Variants in RABGAP1L observed in about 807,000 individuals in gnomAD.
The protein encoded by RABGAP1L is RAB GTPase activating protein 1 like, also known as rab GTPase-activating protein 1-like.
In RABGAP1L, 63 loss-of-function variants were observed where a neutral mutation model predicts 137.7. The ratio of observed to expected loss-of-function variants is 0.46; its 90% CI spans 0.37 to 0.56. RABGAP1L has a LOEUF of 0.56. Ranked by LOEUF, RABGAP1L falls within the 20% of genes least tolerant of loss-of-function variation. RABGAP1L has a pLI of 0.00. For missense variants in RABGAP1L, 1,095 were observed against 1,244.0 expected, an observed-to-expected ratio of 0.88 and a Z score of 1.80; for synonymous variants, 431 against 433.7, an observed-to-expected ratio of 0.99 and a Z score of 0.08.
At chr1:174,405,991 AAAAAAAG>A (rs777132850) in intron 13 of RABGAP1L, among the ~76,000 whole-genome samples, 1 of 152,080 alleles carries the variant, frequency 6.6e-6, no homozygotes, top group Admixed American at 6.6e-5. Context: ...AAAATAAAAG[AAAAAAAG>A]AAAAAAGAAA....
intron 11 of RABGAP1L, among the ~76,000 whole-genome samples, chr1:174,359,003 A>G (rs1683904526): frequency 6.6e-6 from 1 of 152,260 alleles, no homozygotes; most frequent in Non-Finnish European, 1.5e-5. Flanking sequence ...TAACCCAGCC[A>G]GAAGAGGGTA....
chr1:174,352,173 T>A (rs1683257002), intron 11 of RABGAP1L, among the ~76,000 whole-genome samples: 1 of 152,192 alleles, frequency 6.6e-6, no homozygotes, highest in African/African-American at 2.4e-5. Context: ...TCTCTCTGCC[T>A]CCTCTTTAAG....
intron 13 of RABGAP1L, among the ~76,000 whole-genome samples, chr1:174,481,881 T>G (rs200825048): frequency 0.089 from 5,343 of 59,762 alleles, 114 homozygotes; most frequent in African/African-American, 0.13. Flanking sequence ...TAATAAAAAA[T>G]AAAAAAAAAA....
chr1:174,366,518 C>T (rs1684621827), intron 11 of RABGAP1L, among the ~76,000 whole-genome samples: 1 of 151,900 alleles, frequency 6.6e-6, no homozygotes, highest in African/African-American at 2.4e-5. Context: ...GCCTGTAATC[C>T]CAGCACTTTG....
chr1:174,409,465 T>A (rs572167174), intron 13 of RABGAP1L, among the ~76,000 whole-genome samples: 1 of 152,246 alleles, frequency 6.6e-6, no homozygotes, highest in East Asian at 1.9e-4. Flanking sequence ...AAACGTGTGT[T>A]TGAACAATAT....
chr1:174,994,259 G>GAGTT lies in RABGAP1L; in HGVS notation c.*4259_*4262dup, dbSNP rs1672238946. 1 of 144,952 alleles carries GAGTT rather than the reference G, an allele frequency of 6.9e-6. No individual in the cohort carries two copies. Among genetic ancestry groups the GAGTT allele is most frequent in the Non-Finnish European group, 1.5e-5 (1 of 68,036 alleles). 9.0% of individuals were successfully genotyped at this position (144,952 alleles called of 1,614,324 possible). On this transcript the variant is annotated 3_prime_UTR_variant, in exon 26 of 26. Coordinates refer to ENST00000681986, the MANE Select transcript of RABGAP1L (RefSeq NM_001366446.1). The stretch of plus-strand genomic sequence containing the variant: ...CACCTCAATAGGAGATGCTGATCTT[G>GAGTT]AGTTGTAATGAGAAAAGTGGGCATA...
intron 19 of RABGAP1L, among the ~76,000 whole-genome samples, chr1:174,876,461 C>T (rs1351476545): frequency 1.3e-5 from 2 of 152,014 alleles, no homozygotes; most frequent in Non-Finnish European, 2.9e-5. Context: ...TTGCTTAATC[C>T]TTTTTCCATG....
At chr1:174,546,143 A>G (rs1048773967) in intron 13 of RABGAP1L, among the ~76,000 whole-genome samples, 5 of 152,312 alleles carry the variant, frequency 3.3e-5, no homozygotes, top group African/African-American at 1.2e-4. Context: ...AGTATTAGGA[A>G]AAAAAGTCCT....
At chr1:174,194,052 C>G (rs1369978028) in intron 1 of RABGAP1L, among the ~76,000 whole-genome samples, 2 of 152,040 alleles carry the variant, frequency 1.3e-5, no homozygotes, top group African/African-American at 4.8e-5. Context: ...CATGTAGAAG[C>G]CATGATTCAA....
chr1:174,543,627 G>T (rs6663959), intron 13 of RABGAP1L, among the ~76,000 whole-genome samples: 53,671 of 151,942 alleles, frequency 0.35, 12,125 homozygotes, highest in African/African-American at 0.64. Flanking sequence ...GTGAATTTGA[G>T]CCTGTCATTA....
Position 174,550,857 on chromosome 1 carries a change from AATATATATATAT to A in RABGAP1L, c.1711-86490_1711-86479del, listed in dbSNP as rs1216100934. Among the ~76,000 whole-genome samples, 105 of 61,834 alleles carry A rather than the reference AATATATATATAT, an allele frequency of 1.7e-3. 2 individuals are homozygous for A. Among genetic ancestry groups the A allele is most frequent in the Admixed American group, 0.014 (81 of 5,608 alleles). 40.6% of individuals were successfully genotyped at this position (61,834 alleles called of 152,430 possible). On this transcript the variant is annotated intron_variant, in intron 13 of 25. Transcript: ENST00000681986. ...ACACGGTGAAACCCCGTCTCTGCTA[AATATATATATAT>A]ATATATATATATATATATATATATA...
chr1:174,852,645 C>G (rs991331068), intron 19 of RABGAP1L, among the ~76,000 whole-genome samples: 1 of 152,004 alleles, frequency 6.6e-6, no homozygotes, highest in African/African-American at 2.4e-5. Flanking sequence ...GAAACCCCAT[C>G]GCTACTAAAA....
At chr1:174,870,832 GGCTCAC>G (rs1004991409) in intron 19 of RABGAP1L, among the ~76,000 whole-genome samples, 184 of 151,086 alleles carry the variant, frequency 1.2e-3, no homozygotes, top group South Asian at 8.4e-4. Context: ...CCACCTTCCA[GGCTCAC>G]GCCATTCTCC....
At chr1:174,431,896 G>A (rs1652677627) in intron 13 of RABGAP1L, among the ~76,000 whole-genome samples, 2 of 152,148 alleles carry the variant, frequency 1.3e-5, no homozygotes, top group Non-Finnish European at 2.9e-5. Flanking sequence ...GATGCCTAAT[G>A]TAATAGAGTA....
At chr1:174,327,982 C>CATATATATATATATATATATATAT in intron 11 of RABGAP1L, among the ~76,000 whole-genome samples, 1 of 24,750 alleles carries the variant, frequency 4.0e-5, no homozygotes, top group African/African-American at 1.5e-4. Context: ...TATATATACA[C>CATATATATATATATATATATATAT]ACACATATAT....
chr1:174,407,432 T>C (rs540627543), intron 13 of RABGAP1L, among the ~76,000 whole-genome samples: 1 of 152,224 alleles, frequency 6.6e-6, no homozygotes, highest in South Asian at 2.1e-4. Flanking sequence ...CTCAAGGCAG[T>C]TGAAAAATTG....
At chr1:174,727,739 G>C (rs1682112173) in intron 17 of RABGAP1L, among the ~76,000 whole-genome samples, 1 of 152,170 alleles carries the variant, frequency 6.6e-6, no homozygotes, top group African/African-American at 2.4e-5. Flanking sequence ...TGATTAGCCT[G>C]ATTTTAACAT....
chr1:174,671,681 C>T (rs1367241577), intron 14 of RABGAP1L, among the ~76,000 whole-genome samples: 5 of 151,980 alleles, frequency 3.3e-5, no homozygotes, highest in Non-Finnish European at 5.9e-5. Flanking sequence ...ATGATCTTTT[C>T]GATGTGGTGT....
At chr1:174,573,967 A>G (rs1012707719) in intron 13 of RABGAP1L, among the ~76,000 whole-genome samples, 2 of 152,210 alleles carry the variant, frequency 1.3e-5, no homozygotes, top group African/African-American at 4.8e-5. Flanking sequence ...TAGAAAGGGA[A>G]TGTTTTCAAT....
Sources: gnomAD v4.1 joint callset for allele counts (sites outside exome capture counted in the v4.1 genomes callset) on GRCh38, gnomAD v4.1.1 for gene constraint, MANE v1.5 for transcripts, NCBI Gene and HGNC (gene_info 2026-07-23, HGNC 2026-07-21) for gene names.